The following MLLT1 variants were observed in gnomAD, a reference collection of about 807,000 sequenced individuals.
MLLT1 encodes the protein MLLT1 super elongation complex subunit.
MLLT1 carries 11 observed loss-of-function variants against 55.1 expected under a neutral mutation model. That is an observed-to-expected ratio of 0.20 (90% CI 0.13 to 0.33). The LOEUF (loss-of-function observed/expected upper bound fraction) is 0.33, where lower values mean the gene tolerates loss of function less well. MLLT1 is among the 10% of genes least tolerant of loss of function. MLLT1 has a pLI of 1.00. For synonymous variants in MLLT1, 323 were observed against 320.1 expected, an observed-to-expected ratio of 1.01 and a Z score of -0.10; for missense variants, 536 against 760.6, an observed-to-expected ratio of 0.70 and a Z score of 3.47.
chr19:6,259,928 T>A (rs1056321491), intron 3 of MLLT1: 8 of 151,412 alleles, frequency 5.3e-5, no homozygotes, highest in African/African-American at 1.7e-4. Context: ...AAATTATACC[T>A]CGACAAACTA....
At chr19:6,239,734 T>G (rs1173131673) in intron 3 of MLLT1, among the ~76,000 whole-genome samples, 1 of 150,998 alleles carries the variant, frequency 6.6e-6, no homozygotes, top group Non-Finnish European at 1.5e-5. Context: ...ACTCATACAC[T>G]CAGACTTACA....
chr19:6,228,216 C>G (rs970782020), intron 4 of MLLT1, among the ~76,000 whole-genome samples: 1 of 152,202 alleles, frequency 6.6e-6, no homozygotes, highest in Admixed American at 6.5e-5. Context: ...CGCAAGCTCA[C>G]GGAGGAGCCA....
rs1490207666 is a variant in MLLT1 at position 6,222,375 on chromosome 19, G to A, written c.856C>T (p.Arg286Trp). The A allele has an allele frequency of 4.5e-6, 5 of 1,114,592 alleles. No individual in the cohort carries two copies. The highest frequency in any genetic ancestry group is 1.1e-6 in the Non-Finnish European group (1 of 873,938). 69.0% of individuals were successfully genotyped at this position (1,114,592 alleles called of 1,614,324 possible). The part of the protein sequence containing the change: ...PPPPPRASSK[R>W]PATADSPKPS... Reference sequence around the variant, plus strand: ...TTTGGCGAGTCGGCGGTGGCCGGCCGCTTGCTGGAAGCCCGGGGTGGGGGT... The same window carrying A: ...TTTGGCGAGTCGGCGGTGGCCGGCCACTTGCTGGAAGCCCGGGGTGGGGGT... Residue 286 changes from arginine to tryptophan, a missense_variant, in exon 6 of 12, where the codon CGG becomes TGG. Arg to Trp is a moderately radical substitution (Grantham distance 101, BLOSUM62 -3). This residue lies in a region of MLLT1 where 449 missense variants were observed against 489.0 expected (regional missense o/e 0.92). Transcript: ENST00000252674. This position sits in a 1 kb window ranked among gnomAD's most constrained non-coding sequence, Gnocchi z 4.1.
intron 3 of MLLT1, among the ~76,000 whole-genome samples, chr19:6,250,797 G>C (rs2091206561): frequency 6.6e-6 from 1 of 152,202 alleles, no homozygotes; most frequent in South Asian, 2.1e-4. Context: ...GCACAGCCAT[G>C]TTCAAAGCCG....
intron 2 of MLLT1, among the ~76,000 whole-genome samples, chr19:6,269,636 C>T (rs1288723056): frequency 6.6e-6 from 1 of 152,146 alleles, no homozygotes; most frequent in Non-Finnish European, 1.5e-5. Context: ...GTCCTGGGTC[C>T]CGGGTCCCGG....
chr19:6,213,647 T>C, intron 10 of MLLT1, 79 bp downstream of exon 10: 1 of 1,394,440 alleles, frequency 7.2e-7, no homozygotes, highest in Admixed American at 1.7e-5. Flanking sequence ...GTTGGGGGGC[T>C]CTGGGGTCCT....
chr19:6,251,286 T>TG (rs1240367727), intron 3 of MLLT1, among the ~76,000 whole-genome samples: 1 of 152,166 alleles, frequency 6.6e-6, no homozygotes, highest in Admixed American at 6.5e-5. Flanking sequence ...GTTGGGGGGA[T>TG]GGGGGTGCGG....
chr19:6,216,832 C>T (rs754652892), intron 7 of MLLT1: 8 of 331,200 alleles, frequency 2.4e-5, no homozygotes, highest in South Asian at 7.4e-5. Flanking sequence ...CTCCTCTGCT[C>T]GGGGCACAGA....
rs1600213125 is a variant in MLLT1 at position 6,262,401 on chromosome 19, A to C, written c.194-91T>G. Reference sequence around the variant, plus strand: ...CAGTACCGCACCCCTCAACCCCACCACCTCCTCACAGGGGCTTGGCTGGCC... The same window carrying C: ...CAGTACCGCACCCCTCAACCCCACCCCCTCCTCACAGGGGCTTGGCTGGCC... On this transcript the variant is annotated intron_variant, in intron 2 of 11. Coordinates refer to ENST00000252674, the MANE Select transcript of MLLT1 (RefSeq NM_005934.4). The surrounding 1 kb of genome is among the most constrained non-coding windows in gnomAD (Gnocchi z 4.4). 3 of 1,000,482 alleles carry C rather than the reference A, an allele frequency of 3.0e-6. No individual in the cohort carries two copies. Among genetic ancestry groups the C allele is most frequent in the Non-Finnish European group, 1.5e-6 (1 of 674,954 alleles). The allele number at this position is 1,000,482 out of a possible 1,614,324, so 62.0% of individuals were successfully genotyped here. A position where few individuals can be genotyped will look rare whatever the true frequency, so the allele number is the denominator to read the frequency against.
chr19:6,240,411 C>T lies in MLLT1; in HGVS notation c.277-9698G>A, dbSNP rs1488689309. Among the ~76,000 whole-genome samples the T allele has an allele frequency of 2.0e-5, 3 of 152,262 alleles. No individual in the cohort carries two copies. The highest frequency in any genetic ancestry group is 4.4e-5 in the Non-Finnish European group (3 of 68,046). On this transcript the variant is annotated intron_variant, in intron 3 of 11. Coordinates refer to ENST00000252674, the MANE Select transcript of MLLT1 (RefSeq NM_005934.4). This position sits in a 1 kb window ranked among gnomAD's most constrained non-coding sequence, Gnocchi z 4.7. ...GCCACTGGAAGGAGCTCGACAGACA[C>T]AGCAGGTGACGCAGAGGGCGGGCTC...
intron 3 of MLLT1, among the ~76,000 whole-genome samples, chr19:6,261,641 C>CA (rs556152203): frequency 0.018 from 1,296 of 70,538 alleles, 15 homozygotes; most frequent in African/African-American, 0.052. Flanking sequence ...ATCATTAGGC[C>CA]AAAAAAAAAA....
Position 6,270,497 on chromosome 19 carries a change from AG to A in MLLT1, c.193+81del. The A allele has an allele frequency of 6.9e-7, 1 of 1,444,680 alleles. No individual in the cohort carries two copies. Among genetic ancestry groups the A allele is most frequent in the East Asian group, 2.4e-5 (1 of 42,128 alleles). The allele number at this position is 1,444,680 out of a possible 1,614,324, so 89.5% of individuals were successfully genotyped here. A position where few individuals can be genotyped will look rare whatever the true frequency, so the allele number is the denominator to read the frequency against. ...GGTTGGAGGGGTCCTGCTGCTCCTG[AG>A]GGAGGGGTGGAGCCTGGCCTTGGGA... On this transcript the variant is annotated intron_variant, in intron 2 of 11. Transcript: ENST00000252674. This position sits in a 1 kb window ranked among gnomAD's most constrained non-coding sequence, Gnocchi z 7.1.
chr19:6,247,704 G>A (rs1382304108), intron 3 of MLLT1, among the ~76,000 whole-genome samples: 1 of 152,150 alleles, frequency 6.6e-6, no homozygotes, highest in Non-Finnish European at 1.5e-5. Flanking sequence ...AAATGCTTGG[G>A]ATCAGAAATG....
At chr19:6,257,060 G>C (rs187983568) in intron 3 of MLLT1, among the ~76,000 whole-genome samples, 41 of 152,262 alleles carry the variant, frequency 2.7e-4, no homozygotes, top group South Asian at 4.1e-4. Flanking sequence ...TACGTATAAG[G>C]ACTACAACTA....
intron 3 of MLLT1, among the ~76,000 whole-genome samples, chr19:6,236,721 C>T (rs1037617776): frequency 2.7e-4 from 41 of 152,184 alleles, no homozygotes; most frequent in African/African-American, 9.2e-4. Flanking sequence ...GGGCTGCGGA[C>T]CCCTTCCTGG....
In MLLT1 at chr19:6,229,151, T is replaced by C. The variant is rs971941359; in HGVS notation, c.420+1419A>G. Among the ~76,000 whole-genome samples, 2 of 151,804 alleles carry C rather than the reference T, an allele frequency of 1.3e-5. No homozygotes were observed. Among genetic ancestry groups the C allele is most frequent in the Non-Finnish European group, 2.9e-5 (2 of 67,942 alleles). ...TCCGGGGACGCCCAAAAACACCTACTGCAAACGTGGTGAAAACACCTGGCC... is the reference window on the plus strand; with the variant it reads ...TCCGGGGACGCCCAAAAACACCTACCGCAAACGTGGTGAAAACACCTGGCC... On this transcript the variant is annotated intron_variant, in intron 4 of 11. Transcript: ENST00000252674. This position sits in a 1 kb window ranked among gnomAD's most constrained non-coding sequence, Gnocchi z 5.2.
intron 3 of MLLT1, among the ~76,000 whole-genome samples, chr19:6,243,004 C>A (rs1271022945): frequency 6.6e-6 from 1 of 152,210 alleles, no homozygotes; most frequent in African/African-American, 2.4e-5. Context: ...AAGGTGAGAG[C>A]TAAAAGGATT....
rs2091104098 is a variant in MLLT1, at chr19:6,240,468, T to C, written c.277-9755A>G. ...GAGCTGGCACCCGGCGCAGGTGACG[T>C]TGCCCATCTGTGCTCAGCGTCCTCA... On this transcript the variant is annotated intron_variant, in intron 3 of 11. Coordinates refer to ENST00000252674, the MANE Select transcript of MLLT1 (RefSeq NM_005934.4). The surrounding 1 kb of genome is among the most constrained non-coding windows in gnomAD (Gnocchi z 4.7). Among the ~76,000 whole-genome samples the C allele has an allele frequency of 6.6e-6, 1 of 152,212 alleles. No individual in the cohort carries two copies. The highest frequency in any genetic ancestry group is 6.5e-5 in the Admixed American group (1 of 15,290).
intron 1 of MLLT1, among the ~76,000 whole-genome samples, chr19:6,275,524 G>T (rs2091423229): frequency 6.6e-6 from 1 of 152,216 alleles, no homozygotes; most frequent in South Asian, 2.1e-4. Context: ...GAATTAGAAT[G>T]TAAGAGATGG....
Sources: allele counts gnomAD v4.1 joint callset (sites outside exome capture counted in the v4.1 genomes callset), GRCh38; gene constraint gnomAD v4.1.1; regional missense constraint gnomAD v4.1.1; non-coding constraint Gnocchi (gnomAD v3.1); transcripts MANE v1.5; gene names NCBI Gene and HGNC (gene_info 2026-07-23, HGNC 2026-07-21).